The following TLN2 variants were observed in gnomAD, a reference collection of about 807,000 sequenced individuals.
TLN2 encodes the protein talin 2, also known as talin-2.
Under a neutral mutation model 294.7 loss-of-function variants are expected in TLN2, and 118 were observed. That is an observed-to-expected ratio of 0.40 (90% confidence interval 0.34 to 0.47). TLN2 has a LOEUF of 0.47. Among genes scored for constraint, TLN2 ranks in the 20% least tolerant of loss-of-function variants. The pLI, the probability that TLN2 is intolerant of heterozygous loss-of-function variation, is 0.84. For synonymous variants in TLN2, 1,431 were observed against 1,304.5 expected (o/e 1.10, Z -2.09); for missense variants, 3,083 against 3,282.2 (o/e 0.94, Z 1.48).
chr15:62,639,415 C>G lies in TLN2; in HGVS notation c.-36-7860C>G, dbSNP rs139181061. On this transcript the variant is annotated intron_variant, in intron 3 of 58. Transcript: ENST00000636159. The stretch of plus-strand genomic sequence containing the variant: ...TGTGTGGGCTGCTGCTAAGTTCACA[C>G]TTGTGGGGGTGGTTAATTATTTCTC... Among the ~76,000 whole-genome samples the G allele has an allele frequency of 9.2e-5, 14 of 152,296 alleles. No homozygotes were observed. In the East Asian group the frequency reaches 2.7e-3, roughly 29 times the overall value.
chr15:62,530,350 G>GTATT (rs1369322538), intron 1 of TLN2, among the ~76,000 whole-genome samples: 2 of 150,942 alleles, frequency 1.3e-5, no homozygotes, highest in African/African-American at 4.9e-5. Context: ...ATTTATTCAT[G>GTATT]TATTCATTCA....
chr15:62,607,198 C>A (rs150319899), intron 2 of TLN2, among the ~76,000 whole-genome samples: 1 of 152,240 alleles, frequency 6.6e-6, no homozygotes, highest in East Asian at 1.9e-4. Context: ...CTTTCTCTTT[C>A]CTCTGGGGAA....
chr15:62,413,410 G>A (rs1339116272), intron 1 of TLN2, among the ~76,000 whole-genome samples: 3 of 152,168 alleles, frequency 2.0e-5, no homozygotes, highest in Non-Finnish European at 2.9e-5. Flanking sequence ...AACATAGTGA[G>A]TTTTATTGCT....
chr15:62,458,208 G>GGGGACAAGGCTTACT (rs1195048564), intron 1 of TLN2, among the ~76,000 whole-genome samples: 1 of 152,104 alleles, frequency 6.6e-6, no homozygotes, highest in Non-Finnish European at 1.5e-5. Flanking sequence ...GATGACCAGT[G>GGGGACAAGGCTTACT]GGGACAAGGC....
At chr15:62,838,768 G>T in intron 57 of TLN2, 88 bp from the exon 58 acceptor site, 1 of 1,517,234 alleles carries the variant, frequency 6.6e-7, no homozygotes, top group Non-Finnish European at 8.9e-7. Flanking sequence ...TTGACTCATG[G>T]TCTCACAAAC....
chr15:62,539,744 A>G (rs1028240291), intron 1 of TLN2, among the ~76,000 whole-genome samples: 1 of 152,018 alleles, frequency 6.6e-6, no homozygotes, highest in Non-Finnish European at 1.5e-5. Context: ...ATTGGGAGAG[A>G]TTTCTAATGT....
chr15:62,405,533 GTAATT>G (rs942381062), intron 1 of TLN2, among the ~76,000 whole-genome samples: 38 of 152,318 alleles, frequency 2.5e-4, no homozygotes, highest in African/African-American at 8.4e-4. Context: ...TTTCTTTGGG[GTAATT>G]TAATTTTCTG....
chr15:62,568,413 A>T (rs916159317), intron 1 of TLN2, among the ~76,000 whole-genome samples: 2 of 152,232 alleles, frequency 1.3e-5, no homozygotes, highest in Non-Finnish European at 2.9e-5. Flanking sequence ...TTTAAATGGA[A>T]CATTGAACGA....
rs1469992765 is a variant in TLN2 at position 62,491,349 on chromosome 15, TATACACACACACACACAC to T, written c.-237-98336_-237-98319del. Among the ~76,000 whole-genome samples, 559 of 84,556 alleles carry T rather than the reference TATACACACACACACACAC, an allele frequency of 6.6e-3. 6 individuals carry two copies. The highest frequency in any genetic ancestry group is 0.031 in the African/African-American group (519 of 16,524). The allele number at this position is 84,556 out of a possible 152,430, so 55.5% of individuals were successfully genotyped here. A position where few individuals can be genotyped will look rare whatever the true frequency, so the allele number is the denominator to read the frequency against. ...CTCAAAAAAAAAAAATATATATATA[TATACACACACACACACAC>T]ACACACACACACACACACACACACA... On this transcript the variant is annotated intron_variant, in intron 1 of 58. Transcript: ENST00000636159.
chr15:62,795,239 C>T (rs940784303), intron 46 of TLN2, among the ~76,000 whole-genome samples: 2 of 152,034 alleles, frequency 1.3e-5, no homozygotes, highest in Non-Finnish European at 2.9e-5. Flanking sequence ...GGGCAGGAGT[C>T]GTTGCAGGCA....
chr15:62,719,701 G>C, intron 24 of TLN2, 66 bp from the exon 25 acceptor site: 1 of 1,336,936 alleles, frequency 7.5e-7, no homozygotes, highest in Non-Finnish European at 1.0e-6. Context: ...CTTGGGTCAT[G>C]GTCTAGCTTC....
Position 62,675,277 on chromosome 15 carries a change from G to T in TLN2, c.913G>T (p.Ala305Ser), listed in dbSNP as rs772963473. Reference sequence around the variant, plus strand: ...AGCCAAGGTCAAGTACGTCAAACTCGCACGGTCCCTCCGCACATATGGCGT... The same window carrying T: ...AGCCAAGGTCAAGTACGTCAAACTCTCACGGTCCCTCCGCACATATGGCGT... ...IEAKVKYVKLARSLRTYGVSF... is the reference protein window; with the variant it reads ...IEAKVKYVKLSRSLRTYGVSF... Residue 305 changes from alanine (A) to serine (S), a missense_variant, in exon 11 of 59, where the codon GCA becomes TCA. Transcript: ENST00000636159. 1.9e-6 allele frequency: 3 copies of T among 1,614,206 alleles called. No individual in the cohort carries two copies. The highest frequency in any genetic ancestry group is 2.5e-6 in the Non-Finnish European group (3 of 1,180,036).
At chr15:62,475,672 A>G (rs2037745504) in intron 1 of TLN2, among the ~76,000 whole-genome samples, 1 of 152,148 alleles carries the variant, frequency 6.6e-6, no homozygotes, top group South Asian at 2.1e-4. Flanking sequence ...TACAATTTTT[A>G]GATTTTCTTC....
chr15:62,837,933 G>A (rs907851038), intron 57 of TLN2, among the ~76,000 whole-genome samples: 1 of 152,218 alleles, frequency 6.6e-6, no homozygotes, highest in Non-Finnish European at 1.5e-5. Flanking sequence ...TCGACTCTGA[G>A]GGGGCGCTGG....
chr15:62,596,846 A>T (rs1039463881), intron 2 of TLN2, among the ~76,000 whole-genome samples: 1 of 152,224 alleles, frequency 6.6e-6, no homozygotes, highest in East Asian at 1.9e-4. Flanking sequence ...GAAAAGCAAC[A>T]GCATCTTGCC....
chr15:62,704,622 G>A (rs2058941660), intron 19 of TLN2, among the ~76,000 whole-genome samples: 1 of 152,216 alleles, frequency 6.6e-6, no homozygotes, highest in Admixed American at 6.5e-5. Context: ...TCAATGTACA[G>A]ACATTCGTGT....
chr15:62,821,221 A>G (rs1417974941), intron 54 of TLN2, among the ~76,000 whole-genome samples: 3 of 152,266 alleles, frequency 2.0e-5, no homozygotes, highest in Admixed American at 2.0e-4. Flanking sequence ...AAAGGATGAC[A>G]AGCTAGTGCT....
intron 8 of TLN2, among the ~76,000 whole-genome samples, chr15:62,657,549 T>C (rs549683392): frequency 1.3e-5 from 2 of 152,346 alleles, no homozygotes; most frequent in African/African-American, 2.4e-5. Flanking sequence ...ACACCTCTAA[T>C]GTTTTCCATC....
intron 15 of TLN2, among the ~76,000 whole-genome samples, chr15:62,698,229 C>G (rs1287513207): frequency 6.6e-6 from 1 of 152,210 alleles, no homozygotes; most frequent in Non-Finnish European, 1.5e-5. Flanking sequence ...TCATTGATTC[C>G]TTTCCACTGT....
Sources: gnomAD v4.1 joint callset for allele counts (sites outside exome capture counted in the v4.1 genomes callset) on GRCh38, gnomAD v4.1.1 for gene constraint, MANE v1.5 for transcripts, NCBI Gene and HGNC (gene_info 2026-07-23, HGNC 2026-07-21) for gene names.